The following SLC30A7 variants were observed in gnomAD, a reference collection of about 807,000 sequenced individuals.
SLC30A7 encodes solute carrier family 30 member 7, also known as zinc transporter 7.
A neutral mutation model predicts 46.0 loss-of-function variants in SLC30A7; 35 were observed. The observed-to-expected ratio is 0.76, with a 90% confidence interval of 0.58 to 1.01. SLC30A7 has a LOEUF of 1.01. SLC30A7 is among the 50% of genes least tolerant of loss of function. The pLI is 0.00. For synonymous variants in SLC30A7, 147 were observed against 157.8 expected (o/e 0.93, Z 0.51); for missense variants, 464 against 451.1 (o/e 1.03, Z -0.26).
intron 3 of SLC30A7, 85 bp downstream of exon 3, chr1:100,907,050 C>G (rs1203811684): frequency 2.0e-5 from 18 of 911,496 alleles, no homozygotes; most frequent in Non-Finnish European, 3.0e-5. Context: ...TGACTTGTTA[C>G]CAATTGAACA....
intron 8 of SLC30A7, among the ~76,000 whole-genome samples, chr1:100,958,605 T>C (rs1479405900): frequency 1.3e-5 from 2 of 152,250 alleles, no homozygotes; most frequent in Non-Finnish European, 2.9e-5. Context: ...TTTCTTTACT[T>C]TACTTTCTTT....
At chr1:100,963,643 G>A (rs370276920) in intron 9 of SLC30A7, among the ~76,000 whole-genome samples, 4 of 152,220 alleles carry the variant, frequency 2.6e-5, no homozygotes, top group South Asian at 2.1e-4. Flanking sequence ...GCATTATCCC[G>A]CAGAACTTTC....
chr1:100,909,415 G>C (rs570857342), intron 3 of SLC30A7, among the ~76,000 whole-genome samples: 1 of 152,002 alleles, frequency 6.6e-6, no homozygotes, highest in Non-Finnish European at 1.5e-5. Context: ...ACATCCAGTA[G>C]GTAGATAGAT....
intron 3 of SLC30A7, among the ~76,000 whole-genome samples, chr1:100,910,528 T>C (rs1410267968): frequency 6.6e-6 from 1 of 152,110 alleles, no homozygotes; most frequent in Non-Finnish European, 1.5e-5. Flanking sequence ...GAAATATAAA[T>C]CTCAAGTTGT....
At chr1:100,916,269 C>G (rs1001843827) in intron 6 of SLC30A7, among the ~76,000 whole-genome samples, 1 of 152,102 alleles carries the variant, frequency 6.6e-6, no homozygotes, top group Admixed American at 6.5e-5. Context: ...TCACTGCAAC[C>G]TCTGCCTCCC....
At chr1:100,928,563 T>C (rs1653463094) in intron 8 of SLC30A7, among the ~76,000 whole-genome samples, 1 of 152,004 alleles carries the variant, frequency 6.6e-6, no homozygotes, top group African/African-American at 2.4e-5. Flanking sequence ...TTTTTGTGGG[T>C]TTTCTTTTGG....
chr1:100,951,405 A>G (rs1654944667), intron 8 of SLC30A7, among the ~76,000 whole-genome samples: 4 of 152,212 alleles, frequency 2.6e-5, no homozygotes, highest in Admixed American at 1.3e-4. Flanking sequence ...TAGTTAATCC[A>G]TTCCTAATTT....
At chr1:100,990,672 G>A in the SLC30A7 span, 14 of 1,574,246 alleles carry the variant, frequency 8.9e-6, no homozygotes, top group Non-Finnish European at 1.1e-5. Context: ...TTCAGCAAAT[G>A]CATCATCCAT....
intron 6 of SLC30A7, among the ~76,000 whole-genome samples, chr1:100,916,748 TC>T (rs1652586096): frequency 7.8e-6 from 1 of 128,690 alleles, no homozygotes; most frequent in African/African-American, 2.9e-5. Flanking sequence ...CCATCCTCAC[TC>T]CTGCAGCACC....
At chr1:100,898,080 A>G (rs1651080248) in intron 2 of SLC30A7, among the ~76,000 whole-genome samples, 1 of 152,030 alleles carries the variant, frequency 6.6e-6, no homozygotes, top group African/African-American at 2.4e-5. Flanking sequence ...GGAGTGTATC[A>G]TAGCTTATAT....
the SLC30A7 span, among the ~76,000 whole-genome samples, chr1:100,988,431 T>C: frequency 1.3e-5 from 2 of 152,220 alleles, no homozygotes; most frequent in Non-Finnish European, 2.9e-5. Context: ...TATTACACCA[T>C]TACCAAAACC....
At position 100,914,860 on chromosome 1, in the gene SLC30A7, A is replaced by G. The variant is rs950665330; in HGVS notation, c.655+1054A>G. 2.0e-5 allele frequency among the ~76,000 whole-genome samples: 3 copies of G among 152,192 alleles called. No homozygotes were observed. In the East Asian group the frequency reaches 5.8e-4, roughly 29 times the overall value. On this transcript the variant is annotated intron_variant, in intron 6 of 10. Coordinates refer to ENST00000357650, the MANE Select transcript of SLC30A7 (RefSeq NM_133496.5). ...GGCAAGAAAATAGCTTGAACCCAGG[A>G]GGCGGAGGTTGCAGTTAGCTGAGAT...
intron 3 of SLC30A7, among the ~76,000 whole-genome samples, chr1:100,909,373 T>G (rs1392220664): frequency 6.6e-6 from 1 of 152,150 alleles, no homozygotes; most frequent in East Asian, 1.9e-4. Context: ...ACTCTTATTT[T>G]TTAAAGAGCA....
At chr1:100,934,516 AAAG>A (rs1165375137) in intron 8 of SLC30A7, among the ~76,000 whole-genome samples, 4 of 152,072 alleles carry the variant, frequency 2.6e-5, no homozygotes, top group Admixed American at 2.0e-4. Context: ...ATTATGGTAA[AAAG>A]AATAAGGAAG....
intron 8 of SLC30A7, among the ~76,000 whole-genome samples, chr1:100,945,220 C>G (rs1654560176): frequency 6.6e-6 from 1 of 152,092 alleles, no homozygotes; most frequent in African/African-American, 2.4e-5. Flanking sequence ...CAAAAATTTT[C>G]TCCCATTCTG....
In SLC30A7 at chr1:100,934,668, C is replaced by CTA. The variant is rs888733291; in HGVS notation, c.842+12841_842+12842dup. ...AGATTATCTGTATCTATATCAATAC[C>CTA]TATATATATATATATTTATATATAT... On this transcript the variant is annotated intron_variant, in intron 8 of 10. Transcript: ENST00000357650. Among the ~76,000 whole-genome samples, 319 of 148,092 alleles carry CTA rather than the reference C, an allele frequency of 2.2e-3. 1 individual carries two copies. Among genetic ancestry groups the CTA allele is most frequent in the African/African-American group, 7.0e-3 (283 of 40,594 alleles).
intron 3 of SLC30A7, among the ~76,000 whole-genome samples, chr1:100,909,501 A>G (rs1651938775): frequency 6.6e-6 from 1 of 152,120 alleles, no homozygotes. Context: ...CAAGAATCTA[A>G]ACACTAGCCA....
rs190488090 is a variant in SLC30A7, at chr1:100,933,309, A to G, written c.842+11468A>G. 9.2e-5 allele frequency among the ~76,000 whole-genome samples: 14 copies of G among 152,126 alleles called. No individual in the cohort carries two copies. The East Asian group carries it at 2.7e-3, about 29-fold the overall frequency. ...TTTTTAGCTTTATCACTTGTTATTT[A>G]TGGAAGATACTCTCTATACTTTGCT... On this transcript the variant is annotated intron_variant, in intron 8 of 10. Transcript: ENST00000357650.
chr1:100,970,498 G>C (rs747662661), intron 10 of SLC30A7, among the ~76,000 whole-genome samples: 11 of 151,902 alleles, frequency 7.2e-5, no homozygotes, highest in Non-Finnish European at 1.5e-4. Context: ...ATTGCTAAAA[G>C]CCACTTCAGT....
Sources: gnomAD v4.1 joint callset for allele counts (sites outside exome capture counted in the v4.1 genomes callset) on GRCh38, gnomAD v4.1.1 for gene constraint, MANE v1.5 for transcripts, NCBI Gene and HGNC (gene_info 2026-07-23, HGNC 2026-07-21) for gene names.